The following NAALADL2 variants were observed in gnomAD, a reference collection of about 807,000 sequenced individuals.
NAALADL2 encodes the protein N-acetylated alpha-linked acidic dipeptidase like 2, also known as inactive N-acetylated-alpha-linked acidic dipeptidase-like protein 2.
NAALADL2 carries 76 observed loss-of-function variants against 87.2 expected under a neutral mutation model. The observed-to-expected ratio is 0.87, with a 90% confidence interval of 0.72 to 1.05. The LOEUF is 1.05. Ranked by LOEUF, NAALADL2 falls within the 50% of genes least tolerant of loss-of-function variation. NAALADL2 has a pLI of 0.00. For synonymous variants in NAALADL2, 354 were observed against 331.0 expected, an observed-to-expected ratio of 1.07 and a Z score of -0.75; for missense variants, 1,089 against 945.8, an observed-to-expected ratio of 1.15 and a Z score of -1.99.
chr3:175,757,926 T>G (rs938791671), intron 13 of NAALADL2, among the ~76,000 whole-genome samples: 2 of 152,018 alleles, frequency 1.3e-5, no homozygotes, highest in Non-Finnish European at 2.9e-5. Context: ...TAAAGAAAAA[T>G]TCAGAAATTA....
chr3:175,104,947 T>A (rs974873893), intron 2 of NAALADL2, among the ~76,000 whole-genome samples: 1 of 150,352 alleles, frequency 6.7e-6, no homozygotes, highest in Non-Finnish European at 1.5e-5. Flanking sequence ...TGACATTAAT[T>A]GTATTAACTG....
At chr3:175,687,756 G>A (rs528480791) in intron 11 of NAALADL2, among the ~76,000 whole-genome samples, 4 of 152,258 alleles carry the variant, frequency 2.6e-5, no homozygotes, top group South Asian at 2.1e-4. Flanking sequence ...GCTTGGTGCC[G>A]TCCTTGTGAT....
intron 12 of NAALADL2, among the ~76,000 whole-genome samples, chr3:175,753,236 T>G (rs923779715): frequency 1.3e-5 from 2 of 152,164 alleles, no homozygotes; most frequent in African/African-American, 4.8e-5. Context: ...TTATTTCTCC[T>G]TCTACCACGA....
At chr3:175,156,577 T>C (rs1278674284) in intron 2 of NAALADL2, among the ~76,000 whole-genome samples, 1 of 151,966 alleles carries the variant, frequency 6.6e-6, no homozygotes, top group African/African-American at 2.4e-5. Context: ...TATATTTTTG[T>C]TATTTTAAAG....
chr3:174,813,516 T>C (rs144969153), intron 3 of NAALADL2, among the ~76,000 whole-genome samples: 154 of 152,360 alleles, frequency 1.0e-3, no homozygotes, highest in African/African-American at 3.5e-3. Flanking sequence ...GGTTATACCA[T>C]GTAGTTTAGG....
intron 3 of NAALADL2, among the ~76,000 whole-genome samples, chr3:174,778,981 T>C (rs1360500880): frequency 6.6e-6 from 1 of 152,238 alleles, no homozygotes; most frequent in Non-Finnish European, 1.5e-5. Context: ...TATAATACTT[T>C]GGGTATACAC....
intron 5 of NAALADL2, among the ~76,000 whole-genome samples, chr3:175,417,087 C>A (rs1581795005): frequency 9.4e-6 from 1 of 106,750 alleles, no homozygotes; most frequent in Non-Finnish European, 2.0e-5. Flanking sequence ...AGTCAGAAAA[C>A]AAGCAGCCAA....
chr3:174,919,051 C>A (rs1455679561), intron 1 of NAALADL2, among the ~76,000 whole-genome samples: 3 of 151,860 alleles, frequency 2.0e-5, no homozygotes, highest in Non-Finnish European at 4.4e-5. Flanking sequence ...CTAAAATGTA[C>A]ATATTTTAAT....
intron 3 of NAALADL2, among the ~76,000 whole-genome samples, chr3:174,839,668 A>G (rs1230136445): frequency 6.6e-6 from 1 of 152,102 alleles, no homozygotes; most frequent in Non-Finnish European, 1.5e-5. Context: ...AAATAATCCC[A>G]TCAAAAAGTG....
At position 175,413,063 on chromosome 3, in the gene NAALADL2, G is replaced by C. The variant is rs1477061718; in HGVS notation, c.1091-34166G>C. ...CTTCCCACGCCCGGTTAATTTTTTT[G>C]TATTTTTAGTAGAGATGGGGTTTCA... On this transcript the variant is annotated intron_variant, in intron 5 of 13. Transcript: ENST00000454872. 2.0e-5 allele frequency among the ~76,000 whole-genome samples: 3 copies of C among 148,898 alleles called. No individual in the cohort carries two copies. In the East Asian group the frequency reaches 6.3e-4, roughly 31 times the overall value.
chr3:175,415,810 A>G (rs893071724), intron 5 of NAALADL2, among the ~76,000 whole-genome samples: 3 of 151,736 alleles, frequency 2.0e-5, no homozygotes, highest in Non-Finnish European at 2.9e-5. Context: ...ACTTTTTTAT[A>G]CATTAAAAAA....
At chr3:174,909,122 C>T (rs760746053) in intron 1 of NAALADL2, among the ~76,000 whole-genome samples, 2 of 152,056 alleles carry the variant, frequency 1.3e-5, no homozygotes, top group African/African-American at 2.4e-5. Context: ...GGCACGGTGG[C>T]TCACACCTGT....
rs371077453 is a variant in NAALADL2 at position 175,627,426 on chromosome 3, T to C, written c.1896+40T>C. ...CATTCAAAAATAGGTGAGAAATATT[T>C]GTTCTTCTTTATTGGTAGATGGAGC... On this transcript the variant is annotated intron_variant, in intron 11 of 13. Transcript: ENST00000454872. The C allele has an allele frequency of 1.4e-5, 19 of 1,313,442 alleles. 1 individual carries two copies. The African/African-American group carries it at 2.8e-4, about 19-fold the overall frequency. 81.4% of individuals were successfully genotyped at this position (1,313,442 alleles called of 1,614,324 possible). A position where few individuals can be genotyped will look rare whatever the true frequency, so the allele number is the denominator to read the frequency against.
chr3:175,696,302 G>A (rs1039059219), intron 11 of NAALADL2, among the ~76,000 whole-genome samples: 8 of 151,962 alleles, frequency 5.3e-5, no homozygotes, highest in Non-Finnish European at 8.8e-5. Flanking sequence ...GAAAGATGAA[G>A]CATACATGGC....
chr3:174,885,931 T>A (rs1730080232), intron 1 of NAALADL2, among the ~76,000 whole-genome samples: 1 of 88,820 alleles, frequency 1.1e-5, no homozygotes, highest in Non-Finnish European at 2.1e-5. Flanking sequence ...TTTTTTTTTT[T>A]TAGATGGAGT....
rs568538454 is a variant in NAALADL2 at position 175,619,885 on chromosome 3, C to T, written c.1801-7406C>T. 5.9e-5 allele frequency among the ~76,000 whole-genome samples: 9 copies of T among 151,890 alleles called. No homozygotes were observed. The South Asian group carries it at 1.7e-3, about 28-fold the overall frequency. ...CTTGGGCCAGGACCTTATTCTGATC[C>T]CACGTGATGGCTAGACCTCTATGAA... On this transcript the variant is annotated intron_variant, in intron 10 of 13. Transcript: ENST00000454872.
At chr3:174,677,491 A>G (rs941401442) in intron 2 of NAALADL2, among the ~76,000 whole-genome samples, 1 of 152,048 alleles carries the variant, frequency 6.6e-6, no homozygotes, top group African/African-American at 2.4e-5. Context: ...GAACATTCTT[A>G]TACACAGTCA....
chr3:175,089,318 T>C (rs1461417523), intron 1 of NAALADL2, among the ~76,000 whole-genome samples: 1 of 152,168 alleles, frequency 6.6e-6, no homozygotes, highest in Non-Finnish European at 1.5e-5. Flanking sequence ...AATAAGCCAA[T>C]AAGATGCATT....
At chr3:175,539,555 C>T (rs978038564) in intron 9 of NAALADL2, among the ~76,000 whole-genome samples, 1 of 151,914 alleles carries the variant, frequency 6.6e-6, no homozygotes, top group African/African-American at 2.4e-5. Context: ...TAGGTAAGCT[C>T]ATGACTTGGA....
Sources: allele counts gnomAD v4.1 joint callset (sites outside exome capture counted in the v4.1 genomes callset), GRCh38; gene constraint gnomAD v4.1.1; transcripts MANE v1.5; gene names NCBI Gene and HGNC (gene_info 2026-07-23, HGNC 2026-07-21).